Variants in PARN observed in about 807,000 individuals in gnomAD.
The protein encoded by PARN is poly(A)-specific ribonuclease PARN.
PARN carries 71 observed loss-of-function variants against 102.8 expected under a neutral mutation model. The ratio of observed to expected loss-of-function variants is 0.69; its 90% confidence interval spans 0.57 to 0.84. PARN has a LOEUF of 0.84. Ranked by LOEUF, PARN falls within the 40% of genes least tolerant of loss-of-function variation. PARN has a pLI of 0.00. For missense variants in PARN, 782 were observed against 760.9 expected (o/e 1.03, Z -0.33); for synonymous variants, 261 against 252.9 (o/e 1.03, Z -0.30).
intron 21 of PARN, among the ~76,000 whole-genome samples, chr16:14,517,724 G>A (rs1965526836): frequency 6.6e-6 from 1 of 152,066 alleles, no homozygotes; most frequent in Non-Finnish European, 1.5e-5. Flanking sequence ...TGTTGCCCAG[G>A]CTAGAGTGCA....
chr16:14,587,267 A>T (rs1439234106), intron 13 of PARN, among the ~76,000 whole-genome samples: 2 of 152,228 alleles, frequency 1.3e-5, no homozygotes, highest in African/African-American at 4.8e-5. Flanking sequence ...AAATGCAATA[A>T]TGATGTTTGT....
At chr16:14,487,032 C>T (rs944883488) in intron 21 of PARN, among the ~76,000 whole-genome samples, 4 of 152,240 alleles carry the variant, frequency 2.6e-5, no homozygotes, top group Non-Finnish European at 5.9e-5. Context: ...AAGAACAGCA[C>T]GGTCCGGGGT....
At chr16:14,441,034 G>A (rs1239648059) in intron 23 of PARN, among the ~76,000 whole-genome samples, 2 of 152,236 alleles carry the variant, frequency 1.3e-5, no homozygotes, top group Non-Finnish European at 2.9e-5. Context: ...CTGACCTGGC[G>A]CAAGATATTA....
At chr16:14,514,368 A>G (rs1965353231) in intron 21 of PARN, among the ~76,000 whole-genome samples, 1 of 151,848 alleles carries the variant, frequency 6.6e-6, no homozygotes, top group East Asian at 1.9e-4. Context: ...TTGTATTTTT[A>G]GTAGAGACAG....
intron 22 of PARN, among the ~76,000 whole-genome samples, chr16:14,463,929 G>A (rs1490300030): frequency 1.3e-5 from 2 of 150,002 alleles, no homozygotes; most frequent in African/African-American, 5.0e-5. Flanking sequence ...ACCTCCCTAG[G>A]CTCAAGTGAT....
chr16:14,559,917 A>C (rs1034805432), intron 18 of PARN, among the ~76,000 whole-genome samples: 6 of 152,158 alleles, frequency 3.9e-5, no homozygotes, highest in Non-Finnish European at 5.9e-5. Flanking sequence ...ACTGACTCTA[A>C]AACTGTGGCT....
At chr16:14,522,226 A>C (rs1235808429) in intron 21 of PARN, among the ~76,000 whole-genome samples, 1 of 152,244 alleles carries the variant, frequency 6.6e-6, no homozygotes, top group Non-Finnish European at 1.5e-5. Context: ...TTAGCCACAA[A>C]CATCATTTGC....
intron 11 of PARN, among the ~76,000 whole-genome samples, chr16:14,601,488 G>A (rs114194057): frequency 7.9e-5 from 12 of 152,110 alleles, no homozygotes; most frequent in African/African-American, 2.9e-4. Context: ...GTACAGTTTC[G>A]GTTTTGCAAG....
intron 6 of PARN, among the ~76,000 whole-genome samples, chr16:14,614,663 C>T (rs539379539): frequency 6.6e-6 from 1 of 151,778 alleles, no homozygotes; most frequent in South Asian, 2.1e-4. Flanking sequence ...CCAGCCTGGC[C>T]GACATGGAGA....
At chr16:14,620,506 A>G (rs187304351) in intron 5 of PARN, among the ~76,000 whole-genome samples, 214 of 152,374 alleles carry the variant, frequency 1.4e-3, no homozygotes, top group Non-Finnish European at 2.7e-3. Flanking sequence ...CTCTAATTTT[A>G]TTCTTGGCCA....
At chr16:14,564,601 A>C (rs1968314587) in intron 18 of PARN, among the ~76,000 whole-genome samples, 1 of 152,210 alleles carries the variant, frequency 6.6e-6, no homozygotes, top group Non-Finnish European at 1.5e-5. Context: ...GTGTAGGGAC[A>C]CAGAGGTTTA....
chr16:14,440,453 A>G (rs1960895050), intron 23 of PARN, among the ~76,000 whole-genome samples: 1 of 152,198 alleles, frequency 6.6e-6, no homozygotes, highest in Non-Finnish European at 1.5e-5. Context: ...TCAATTTCTT[A>G]TGAAGTTAAA....
At chr16:14,532,174 A>ATTTTTTT (rs35785901) in intron 21 of PARN, among the ~76,000 whole-genome samples, 1 of 138,274 alleles carries the variant, frequency 7.2e-6, no homozygotes, top group Non-Finnish European at 1.6e-5. Context: ...TCAAACTCTG[A>ATTTTTTT]TTTTTTTTTT....
At chr16:14,476,275 T>C (rs939223834) in intron 22 of PARN, among the ~76,000 whole-genome samples, 9 of 152,352 alleles carry the variant, frequency 5.9e-5, no homozygotes, top group Admixed American at 2.0e-4. Context: ...AGGTAAACAA[T>C]GACTAATGTA....
At chr16:14,569,987 A>G (rs976018760) in intron 18 of PARN, among the ~76,000 whole-genome samples, 3 of 152,232 alleles carry the variant, frequency 2.0e-5, no homozygotes, top group Non-Finnish European at 4.4e-5. Context: ...TGAACTATAC[A>G]CTTTAAATGA....
In PARN at chr16:14,604,167, C is replaced by T. The variant is rs1201321933; in HGVS notation, c.762G>A (p.Gln254=). ...TTACCTGTTCTTTGGCATGTTTCTGCTGCTCTCTTCTTTTGCGTTCTTCTT... is the reference window on the plus strand; with the variant it reads ...TTACCTGTTCTTTGGCATGTTTCTGTTGCTCTCTTCTTTTGCGTTCTTCTT... ...VDEEERKRRE[Q]QKHAKEQEEL... Residue 254 remains glutamine (Q), a synonymous_variant, in exon 11 of 24, where the codon CAG becomes CAA. Transcript: ENST00000437198. The T allele has an allele frequency of 1.2e-6, 2 of 1,601,244 alleles. No individual in the cohort carries two copies. The highest frequency in any genetic ancestry group is 1.1e-5 in the South Asian group (1 of 89,190).
At chr16:14,501,379 G>GGGA (rs1270257479) in intron 21 of PARN, among the ~76,000 whole-genome samples, 1 of 128,778 alleles carries the variant, frequency 7.8e-6, no homozygotes, top group African/African-American at 2.8e-5. Context: ...ACGCTGAGGT[G>GGGA]GGAGGATCAC....
intron 21 of PARN, among the ~76,000 whole-genome samples, chr16:14,514,495 T>A (rs1965360397): frequency 6.6e-6 from 1 of 152,194 alleles, no homozygotes. Context: ...CAAGAGTCAC[T>A]TTAAATGCAG....
intron 18 of PARN, among the ~76,000 whole-genome samples, chr16:14,563,531 T>C (rs1296034486): frequency 6.6e-6 from 1 of 150,384 alleles, no homozygotes; most frequent in Non-Finnish European, 1.5e-5. Context: ...TGTATATAAT[T>C]CTTTTAAGTT....
Sources: gnomAD v4.1 joint callset for allele counts (sites outside exome capture counted in the v4.1 genomes callset) on GRCh38, gnomAD v4.1.1 for gene constraint, MANE v1.5 for transcripts, NCBI Gene and HGNC (gene_info 2026-07-23, HGNC 2026-07-21) for gene names.